Variants in GGACT observed in about 807,000 individuals in gnomAD.
GGACT encodes the protein gamma-glutamylamine cyclotransferase, also known as gamma-glutamylaminecyclotransferase.
For missense variants in GGACT, 241 were observed against 233.2 expected, an observed-to-expected ratio of 1.03 and a Z score of -0.22; for synonymous variants, 118 against 115.3, an observed-to-expected ratio of 1.02 and a Z score of -0.15.
rs76912884 is a variant in GGACT, at chr13:100,538,626, A to G, written c.-10-6025T>C. ...ACAGATAAGGAGGAATTCCTGTTCT[A>G]TGCTATTTTGATTACAGTAACTTTA... is the stretch of plus-strand genomic sequence containing the variant. On this transcript the variant is annotated intron_variant, in intron 2 of 2. Coordinates refer to ENST00000683975, the MANE Select transcript of GGACT (RefSeq NM_001195087.2). The G allele has an allele frequency of 1.1e-4, 17 of 152,328 alleles. No homozygotes were observed. The East Asian group carries it at 3.1e-3, about 28-fold the overall frequency. 9.4% of individuals were successfully genotyped at this position (152,328 alleles called of 1,614,324 possible). A position where few individuals can be genotyped will look rare whatever the true frequency, so the allele number is the denominator to read the frequency against.
chr13:100,539,535 G>A (rs1594183655), intron 2 of GGACT: 1 of 243,340 alleles, frequency 4.1e-6, no homozygotes, highest in Non-Finnish European at 7.8e-6. Flanking sequence ...AAACATCCTT[G>A]CATTCCAGGA....
chr13:100,581,741 A>G (rs545701024), intron 2 of GGACT, among the ~76,000 whole-genome samples: 3 of 152,332 alleles, frequency 2.0e-5, no homozygotes, highest in South Asian at 2.1e-4. Flanking sequence ...AAACCTGCCA[A>G]TCACTATTTC....
Position 100,531,799 on chromosome 13 carries a change from AATATTTATT to A in GGACT, c.*322_*330del, listed in dbSNP as rs1274794793. 1 of 178,166 alleles carries A rather than the reference AATATTTATT, an allele frequency of 5.6e-6. No individual in the cohort carries two copies. Among genetic ancestry groups the A allele is most frequent in the African/African-American group, 4.1e-5 (1 of 24,150 alleles). 11.0% of individuals were successfully genotyped at this position (178,166 alleles called of 1,614,324 possible). A position where few individuals can be genotyped will look rare whatever the true frequency, so the allele number is the denominator to read the frequency against. ...ACACCAAGTCTTTACACTGATCCTA[AATATTTATT>A]ATTATCTTGAGCTCAAAGCAGAGCC... On this transcript the variant is annotated 3_prime_UTR_variant, in exon 3 of 3. Transcript: ENST00000683975.
At chr13:100,567,139 T>G (rs1874911538) in intron 2 of GGACT, among the ~76,000 whole-genome samples, 1 of 152,354 alleles carries the variant, frequency 6.6e-6, no homozygotes, top group East Asian at 1.9e-4. Context: ...TGCTCCATTA[T>G]TGATGACATT....
intron 2 of GGACT, chr13:100,537,522 G>A (rs1239544452): frequency 6.6e-6 from 1 of 152,156 alleles, no homozygotes. Flanking sequence ...CCTAAATGCA[G>A]CCATGCAGGG....
chr13:100,571,668 G>A (rs1350513552), intron 2 of GGACT, among the ~76,000 whole-genome samples: 1 of 152,196 alleles, frequency 6.6e-6, no homozygotes, highest in Middle Eastern at 3.4e-3. Flanking sequence ...GTAAAACCCT[G>A]CCGTGTTTCA....
intron 2 of GGACT, among the ~76,000 whole-genome samples, chr13:100,578,135 G>A (rs138109936): frequency 2.0e-5 from 3 of 152,226 alleles, no homozygotes; most frequent in African/African-American, 7.2e-5. Flanking sequence ...GCGTCCACAG[G>A]GAAATGTCCG....
chr13:100,532,844 T>C (rs553715106), intron 2 of GGACT, among the ~76,000 whole-genome samples: 8 of 152,248 alleles, frequency 5.3e-5, no homozygotes, highest in Non-Finnish European at 8.8e-5. Context: ...TTGTGGGCTG[T>C]TCACAAACGG....
At chr13:100,576,835 T>G (rs1347419380) in intron 2 of GGACT, among the ~76,000 whole-genome samples, 1 of 152,182 alleles carries the variant, frequency 6.6e-6, no homozygotes, top group Non-Finnish European at 1.5e-5. Flanking sequence ...GACTGCTCTG[T>G]ATACCGTTGG....
chr13:100,538,901 A>T (rs557132146), intron 2 of GGACT: 1 of 152,368 alleles, frequency 6.6e-6, no homozygotes, highest in Admixed American at 6.5e-5. Context: ...TGCTTTCAGC[A>T]ATGTGTTGTA....
chr13:100,578,893 A>T lies in GGACT; in HGVS notation c.-11+4932T>A, dbSNP rs142678573. Reference sequence around the variant, plus strand: ...ATTTTCTTTAACTTACCTGCCTCGTACTCCCAAGTACAGATGACAACAGCA... The same window carrying T: ...ATTTTCTTTAACTTACCTGCCTCGTTCTCCCAAGTACAGATGACAACAGCA... On this transcript the variant is annotated intron_variant, in intron 2 of 2. Coordinates refer to ENST00000683975, the MANE Select transcript of GGACT (RefSeq NM_001195087.2). 236 of 152,310 alleles carry T rather than the reference A, an allele frequency of 1.5e-3. 1 individual carries two copies. The highest frequency in any genetic ancestry group is 5.0e-3 in the African/African-American group (206 of 41,580). 9.4% of individuals were successfully genotyped at this position (152,310 alleles called of 1,614,324 possible). A position where few individuals can be genotyped will look rare whatever the true frequency, so the allele number is the denominator to read the frequency against.
At chr13:100,562,234 C>G (rs1294074861) in intron 2 of GGACT, among the ~76,000 whole-genome samples, 1 of 152,160 alleles carries the variant, frequency 6.6e-6, no homozygotes, top group Non-Finnish European at 1.5e-5. Flanking sequence ...CCGACAGAAA[C>G]TACCCTAGAT....
At chr13:100,532,682 G>A (rs2088431062) in intron 2 of GGACT, 81 bp from the exon 3 acceptor site, 1 of 1,145,386 alleles carries the variant, frequency 8.7e-7, no homozygotes, top group Admixed American at 2.5e-5. Context: ...CCGGCCCACA[G>A]AGCCTCCACT....
chr13:100,551,738 G>A (rs1277251036), intron 2 of GGACT, among the ~76,000 whole-genome samples: 1 of 152,242 alleles, frequency 6.6e-6, no homozygotes, highest in East Asian at 1.9e-4. Flanking sequence ...TCCCTTCGAT[G>A]TACAGGGTTT....
At chr13:100,554,417 A>AT (rs1315997967) in intron 2 of GGACT, among the ~76,000 whole-genome samples, 1 of 152,192 alleles carries the variant, frequency 6.6e-6, no homozygotes, top group Non-Finnish European at 1.5e-5. Flanking sequence ...AGTGAGGGTG[A>AT]TTTCCCTTAC....
intron 2 of GGACT, among the ~76,000 whole-genome samples, chr13:100,553,848 A>AC (rs1221757286): frequency 6.6e-6 from 1 of 151,430 alleles, no homozygotes; most frequent in Non-Finnish European, 1.5e-5. Flanking sequence ...CATCTCAAAA[A>AC]AAAAAAAAAA....
chr13:100,553,270 A>G (rs186758082), intron 2 of GGACT, among the ~76,000 whole-genome samples: 10 of 152,164 alleles, frequency 6.6e-5, no homozygotes, highest in Admixed American at 6.5e-4. Context: ...AAGGACCGGC[A>G]ATTCCACTCC....
chr13:100,548,966 A>G (rs1429175713), intron 2 of GGACT, among the ~76,000 whole-genome samples: 1 of 152,214 alleles, frequency 6.6e-6, no homozygotes, highest in Non-Finnish European at 1.5e-5. Flanking sequence ...TTCAAAGATA[A>G]CCACCAAATA....
chr13:100,530,969 C>G lies in GGACT; in HGVS notation c.*1161G>C, dbSNP rs1000227277. Reference sequence around the variant, plus strand: ...TTTGTGTTTTTTGTGAAGCAAGTTTCCAATTAAGCAAAAGAAGCTAAAAAT... The same window carrying G: ...TTTGTGTTTTTTGTGAAGCAAGTTTGCAATTAAGCAAAAGAAGCTAAAAAT... On this transcript the variant is annotated 3_prime_UTR_variant, in exon 3 of 3. Transcript: ENST00000683975. 4 of 152,198 alleles carry G rather than the reference C, an allele frequency of 2.6e-5. No individual in the cohort carries two copies. The highest frequency in any genetic ancestry group is 9.7e-5 in the African/African-American group (4 of 41,422). 9.4% of individuals were successfully genotyped at this position (152,198 alleles called of 1,614,324 possible). A position where few individuals can be genotyped will look rare whatever the true frequency, so the allele number is the denominator to read the frequency against.
Sources: allele counts gnomAD v4.1 joint callset (sites outside exome capture counted in the v4.1 genomes callset), GRCh38; gene constraint gnomAD v4.1.1; transcripts MANE v1.5; gene names NCBI Gene and HGNC (gene_info 2026-07-23, HGNC 2026-07-21).